Variants in KIF14 observed in about 807,000 individuals in gnomAD.
KIF14 encodes kinesin-like protein KIF14.
A neutral mutation model predicts 176.2 loss-of-function variants in KIF14; 98 were observed. That is an observed-to-expected ratio of 0.56 (90% CI 0.47 to 0.66). KIF14 has a LOEUF of 0.66. Ranked by LOEUF, KIF14 falls within the 30% of genes least tolerant of loss-of-function variation. The pLI is 0.00. For missense variants in KIF14, 1,751 were observed against 1,920.4 expected, an observed-to-expected ratio of 0.91 and a Z score of 1.65; for synonymous variants, 566 against 632.2, an observed-to-expected ratio of 0.90 and a Z score of 1.57.
intron 10 of KIF14, 95 bp downstream of exon 10, chr1:200,603,131 C>T (rs1261438891): frequency 1.5e-6 from 1 of 686,738 alleles, no homozygotes; most frequent in Non-Finnish European, 2.4e-6. Flanking sequence ...TACCACCTTT[C>T]TCCATCCCAA....
At chr1:200,561,855 A>T (rs1161103304) in intron 25 of KIF14, among the ~76,000 whole-genome samples, 1 of 152,212 alleles carries the variant, frequency 6.6e-6, no homozygotes, top group Non-Finnish European at 1.5e-5. Flanking sequence ...TGTTCTGATA[A>T]CCATCTGACA....
Position 200,573,427 on chromosome 1 carries a change from C to CT in KIF14, c.3566+2163dup, listed in dbSNP as rs869174532. Among the ~76,000 whole-genome samples the CT allele has an allele frequency of 8.6e-3, 667 of 77,720 alleles. 53 individuals carry two copies. Among genetic ancestry groups the CT allele is most frequent in the Non-Finnish European group, 0.011 (470 of 42,458 alleles). 51.0% of individuals were successfully genotyped at this position (77,720 alleles called of 152,430 possible). A position where few individuals can be genotyped will look rare whatever the true frequency, so the allele number is the denominator to read the frequency against. ...TTCCCTACACTCAAGGAGCTCATTT[C>CT]TTTTTTTTTTTTTTTTTTTTTTTTG... On this transcript the variant is annotated intron_variant, in intron 22 of 29. Transcript: ENST00000367350.
At chr1:200,591,510 T>C (rs79638621) in intron 16 of KIF14, among the ~76,000 whole-genome samples, 7,938 of 152,334 alleles carry the variant, frequency 0.052, 243 homozygotes, top group Middle Eastern at 0.078. Context: ...CCAAACTCTT[T>C]AGCATTTTAT....
intron 16 of KIF14, among the ~76,000 whole-genome samples, chr1:200,590,506 C>T (rs1658997441): frequency 6.6e-6 from 1 of 152,152 alleles, no homozygotes; most frequent in African/African-American, 2.4e-5. Flanking sequence ...GTTACTATTG[C>T]AGATGCCTGA....
chr1:200,575,631 C>T lies in KIF14; in HGVS notation c.3526G>A (p.Asp1176Asn), dbSNP rs762016099. ...GAAGAAACTGGTGCATCTGTAATGTCGGGTTCCCATTCATCTTCAGGATCA... is the reference window on the plus strand; with the variant it reads ...GAAGAAACTGGTGCATCTGTAATGTTGGGTTCCCATTCATCTTCAGGATCA... Reference protein sequence around the residue: ...FCDPEDEWEPDITDAPVSSLS... With the variant: ...FCDPEDEWEPNITDAPVSSLS... The change falls in exon 22 of 30, where the codon GAC (aspartate) becomes AAC (asparagine). Residue 1176 changes from aspartate (D) to asparagine (N), a missense_variant. Physicochemically the swap from Asp to Asn is conservative, Grantham distance 23. Transcript: ENST00000367350. The T allele has an allele frequency of 1.2e-5, 19 of 1,590,546 alleles. No homozygotes were observed. The highest frequency in any genetic ancestry group is 4.6e-5 in the South Asian group (4 of 86,980).
At chr1:200,576,117 T>C (rs1268255100) in intron 21 of KIF14, among the ~76,000 whole-genome samples, 1 of 152,230 alleles carries the variant, frequency 6.6e-6, no homozygotes, top group Non-Finnish European at 1.5e-5. Flanking sequence ...AAATGCTACA[T>C]AGAACTTGAT....
At chr1:200,569,889 G>T in intron 23 of KIF14, 22 bp downstream of exon 23, 2 of 1,367,866 alleles carry the variant, frequency 1.5e-6, no homozygotes, top group South Asian at 1.3e-5. Flanking sequence ...TCGCCATAGA[G>T]AAAATGTGAA....
rs762774217 is a variant in KIF14, at chr1:200,589,362, T to A, written c.2969A>T (p.Glu990Val). ...IKALEAELRE[E>V]SQRKKMQEIN... ...TTCCTGCATTTTTTTCCTTTGAGAC[T>A]CTTCTCTCTTTAAAGAACAATAATA... is the stretch of plus-strand genomic sequence containing the variant. The change falls in exon 18 of 30, where the codon GAG becomes GTG. Residue 990 changes from glutamate (E) to valine (V), a missense_variant. Glu to Val is a moderately radical substitution (Grantham distance 121). Coordinates refer to ENST00000367350, the MANE Select transcript of KIF14 (RefSeq NM_014875.3). 1.2e-6 allele frequency: 2 copies of A among 1,602,172 alleles called. No homozygotes were observed. The highest frequency in any genetic ancestry group is 1.1e-5 in the South Asian group (1 of 88,958).
At chr1:200,612,342 T>A (rs1660198703) in intron 4 of KIF14, among the ~76,000 whole-genome samples, 1 of 152,220 alleles carries the variant, frequency 6.6e-6, no homozygotes, top group African/African-American at 2.4e-5. Context: ...TGTTATTCAA[T>A]GACATAGTCA....
chr1:200,598,849 G>A (rs950787823), intron 13 of KIF14, among the ~76,000 whole-genome samples: 5 of 152,108 alleles, frequency 3.3e-5, no homozygotes, highest in African/African-American at 9.7e-5. Context: ...GTGAGCCACC[G>A]TGCCCGGCCA....
intron 14 of KIF14, among the ~76,000 whole-genome samples, chr1:200,595,214 T>C (rs564541080): frequency 6.6e-6 from 1 of 152,314 alleles, no homozygotes; most frequent in Non-Finnish European, 1.5e-5. Context: ...TTCTTTAGGG[T>C]TTAAGTTAGA....
chr1:200,567,399 G>C (rs1041358754), intron 23 of KIF14, among the ~76,000 whole-genome samples: 8 of 151,912 alleles, frequency 5.3e-5, no homozygotes, highest in Non-Finnish European at 7.4e-5. Context: ...TAAAAAATTA[G>C]CCGGGCCTGG....
At chr1:200,612,836 C>T (rs1219588747) in intron 4 of KIF14, among the ~76,000 whole-genome samples, 14 of 150,730 alleles carry the variant, frequency 9.3e-5, no homozygotes, top group Non-Finnish European at 1.9e-4. Flanking sequence ...CTTACTAAGA[C>T]AGTCCTTCAT....
intron 11 of KIF14, among the ~76,000 whole-genome samples, chr1:200,601,241 G>C (rs1659610998): frequency 6.6e-6 from 1 of 152,126 alleles, no homozygotes; most frequent in Admixed American, 6.6e-5. Context: ...GATCCAAAAG[G>C]GAAAGGATGG....
At chr1:200,592,005 G>C (rs1659077801) in intron 16 of KIF14, 75 bp downstream of exon 16, 4 of 1,263,788 alleles carry the variant, frequency 3.2e-6, no homozygotes, top group African/African-American at 1.5e-5. Flanking sequence ...AATTACTAGA[G>C]ACTGGCACAA....
At chr1:200,600,322 A>C in intron 12 of KIF14, 34 bp downstream of exon 12, 1 of 1,603,936 alleles carries the variant, frequency 6.2e-7, no homozygotes, top group Non-Finnish European at 8.5e-7. Context: ...CCAGAGCAAC[A>C]CACTTAACAT....
At chr1:200,597,327 C>A (rs988221045) in intron 14 of KIF14, among the ~76,000 whole-genome samples, 2 of 152,092 alleles carry the variant, frequency 1.3e-5, no homozygotes, top group Admixed American at 6.5e-5. Flanking sequence ...GATATTTATA[C>A]CAAAAAGCTC....
intron 29 of KIF14, 29 bp downstream of exon 29, chr1:200,554,439 G>C (rs2102550246): frequency 7.2e-7 from 1 of 1,382,090 alleles, no homozygotes; most frequent in East Asian, 2.4e-5. Flanking sequence ...ATAAAATTCT[G>C]ATTATAAACT....
chr1:200,567,978 G>GT (rs1245881068), intron 23 of KIF14, among the ~76,000 whole-genome samples: 1 of 152,118 alleles, frequency 6.6e-6, no homozygotes. Flanking sequence ...GAAGATAATT[G>GT]TATTAATGCA....
Sources: allele counts gnomAD v4.1 joint callset (sites outside exome capture counted in the v4.1 genomes callset), GRCh38; gene constraint gnomAD v4.1.1; transcripts MANE v1.5; gene names NCBI Gene and HGNC (gene_info 2026-07-23, HGNC 2026-07-21).